SUPT5H: variants seen among roughly 807,000 people sequenced by gnomAD.
SUPT5H encodes the protein transcription elongation factor SPT5.
In SUPT5H, 24 loss-of-function variants were observed where a neutral mutation model predicts 142.5. The ratio of observed to expected loss-of-function variants is 0.17; its 90% confidence interval spans 0.12 to 0.24. SUPT5H has a LOEUF of 0.24. Among genes scored for constraint, SUPT5H ranks in the 10% least tolerant of loss-of-function variants. The pLI is 1.00. For missense variants in SUPT5H, 893 were observed against 1,471.8 expected (o/e 0.61, Z 6.43); for synonymous variants, 546 against 553.0 (o/e 0.99, Z 0.18).
At chr19:39,457,570 T>G (rs1048283648) in intron 3 of SUPT5H, 105 bp from the exon 4 acceptor site, 4 of 1,548,610 alleles carry the variant, frequency 2.6e-6, no homozygotes, top group Non-Finnish European at 3.5e-6. Flanking sequence ...TCCTGCTCTG[T>G]GCGGTGGGGA....
chr19:39,474,154 C>A lies in SUPT5H; in HGVS notation c.2651+33C>A, dbSNP rs746701124. ...CACTGGGGCCTGCCCTCGTCTACCC[C>A]TGCCCAAACCCTCCTACTGCCACCA... On this transcript the variant is annotated intron_variant, in intron 26 of 29. Transcript: ENST00000432763. The surrounding 1 kb of genome is among the most constrained non-coding windows in gnomAD (Gnocchi z 6.5). The A allele has an allele frequency of 6.2e-7, 1 of 1,608,154 alleles. No individual in the cohort carries two copies. The highest frequency in any genetic ancestry group is 8.5e-7 in the Non-Finnish European group (1 of 1,176,848).
intron 3 of SUPT5H, among the ~76,000 whole-genome samples, chr19:39,454,633 C>T (rs1385379015): frequency 1.3e-5 from 2 of 152,134 alleles, no homozygotes; most frequent in Non-Finnish European, 2.9e-5. Flanking sequence ...AGCCACCATG[C>T]CTGGCCGCAC....
At chr19:39,448,237 T>C (rs1782194316) in intron 2 of SUPT5H, among the ~76,000 whole-genome samples, 1 of 152,232 alleles carries the variant, frequency 6.6e-6, no homozygotes, top group African/African-American at 2.4e-5. Flanking sequence ...GGGTGACTTG[T>C]CCCAGTCACT....
At position 39,464,780 on chromosome 19, in the gene SUPT5H, C is replaced by A; in HGVS notation, c.625-18C>A. 1 of 1,581,692 alleles carries A rather than the reference C, an allele frequency of 6.3e-7. No homozygotes were observed. Among genetic ancestry groups the A allele is most frequent in the Non-Finnish European group, 8.6e-7 (1 of 1,157,868 alleles). Reference sequence around the variant, plus strand: ...GTTGTGTCTCACTGTTTCCTCCTTCCACCGGCTCACCCTGCAGCCCCTGCA... The same window carrying A: ...GTTGTGTCTCACTGTTTCCTCCTTCAACCGGCTCACCCTGCAGCCCCTGCA... On this transcript the variant is annotated intron_variant, in intron 10 of 29. Coordinates refer to ENST00000432763, the MANE Select transcript of SUPT5H (RefSeq NM_001111020.3).
intron 3 of SUPT5H, among the ~76,000 whole-genome samples, chr19:39,455,636 T>TC (rs891871561): frequency 2.6e-5 from 4 of 151,720 alleles, no homozygotes; most frequent in Non-Finnish European, 5.9e-5. Context: ...TCTTTTTTTT[T>TC]TTTTGAGATG....
In SUPT5H at chr19:39,466,369, C is replaced by T; in HGVS notation, c.877-111C>T. Reference sequence around the variant, plus strand: ...TTGGGAGTGGTCAGCAGCCTGGTTTCTTCCCCACCATCCTGCGTCCCTTCT... The same window carrying T: ...TTGGGAGTGGTCAGCAGCCTGGTTTTTTCCCCACCATCCTGCGTCCCTTCT... On this transcript the variant is annotated intron_variant, in intron 11 of 29. Transcript: ENST00000432763. The surrounding 1 kb of genome is among the most constrained non-coding windows in gnomAD (Gnocchi z 4.3). 9.8e-7 allele frequency: 1 copy of T among 1,022,894 alleles called. No homozygotes were observed. The highest frequency in any genetic ancestry group is 1.9e-5 in the Admixed American group (1 of 51,656). The allele number at this position is 1,022,894 out of a possible 1,614,324, so 63.4% of individuals were successfully genotyped here. A position where few individuals can be genotyped will look rare whatever the true frequency, so the allele number is the denominator to read the frequency against.
At position 39,472,788 on chromosome 19, in the gene SUPT5H, T is replaced by C; in HGVS notation, c.2036-22T>C. ...TGTGGGCACAGCCGTGGGGGACCAG[T>C]GACATTCTCCCCAATCCCCAGGTCA... On this transcript the variant is annotated intron_variant, in intron 21 of 29. Transcript: ENST00000432763. The surrounding 1 kb of genome is among the most constrained non-coding windows in gnomAD (Gnocchi z 4.2). 1.2e-6 allele frequency: 2 copies of C among 1,604,858 alleles called. No homozygotes were observed. The highest frequency in any genetic ancestry group is 1.7e-6 in the Non-Finnish European group (2 of 1,175,036).
At position 39,469,725 on chromosome 19, in the gene SUPT5H, G is replaced by A. The variant is rs761959026; in HGVS notation, c.1374+327G>A. On this transcript the variant is annotated intron_variant, in intron 16 of 29. Transcript: ENST00000432763. This position sits in a 1 kb window ranked among gnomAD's most constrained non-coding sequence, Gnocchi z 5.1. ...CTTGACTTTGTTTGCTTAGAGCGGG[G>A]TGTGTGTTTGTCTGTGTCTGGTGTA... 4.0e-6 allele frequency: 2 copies of A among 501,138 alleles called. No individual in the cohort carries two copies. Among genetic ancestry groups the A allele is most frequent in the Non-Finnish European group, 7.3e-6 (2 of 273,982 alleles). 31.0% of individuals were successfully genotyped at this position (501,138 alleles called of 1,614,324 possible).
At chr19:39,457,251 A>C (rs902797753) in intron 3 of SUPT5H, among the ~76,000 whole-genome samples, 1 of 152,174 alleles carries the variant, frequency 6.6e-6, no homozygotes, top group East Asian at 1.9e-4. Context: ...TGTGTCAGGT[A>C]CTCAGAACAG....
intron 2 of SUPT5H, among the ~76,000 whole-genome samples, chr19:39,452,730 G>A (rs1185438978): frequency 6.6e-6 from 1 of 152,104 alleles, no homozygotes; most frequent in African/African-American, 2.4e-5. Context: ...GAAGAGATGG[G>A]CCAGGTGCTG....
At chr19:39,446,522 A>G (rs2078956175) in intron 2 of SUPT5H, among the ~76,000 whole-genome samples, 2 of 152,080 alleles carry the variant, frequency 1.3e-5, no homozygotes, top group Non-Finnish European at 2.9e-5. Context: ...GAGGTGAGGG[A>G]GTGAGTCGTG....
intron 3 of SUPT5H, among the ~76,000 whole-genome samples, chr19:39,455,875 C>T (rs2079081943): frequency 6.7e-6 from 1 of 148,460 alleles, no homozygotes; most frequent in South Asian, 2.1e-4. Flanking sequence ...CCCACCTTGG[C>T]CTCCCAAAGT....
intron 28 of SUPT5H, among the ~76,000 whole-genome samples, chr19:39,475,518 G>A (rs186591248): frequency 7.9e-4 from 121 of 152,228 alleles, no homozygotes; most frequent in Non-Finnish European, 7.4e-5. Flanking sequence ...AGCAGGAGAG[G>A]GGTGGGAGCA....
In SUPT5H at chr19:39,466,019, G is replaced by T. The variant is rs2079230094; in HGVS notation, c.877-461G>T. On this transcript the variant is annotated intron_variant, in intron 11 of 29. Coordinates refer to ENST00000432763, the MANE Select transcript of SUPT5H (RefSeq NM_001111020.3). The surrounding 1 kb of genome is among the most constrained non-coding windows in gnomAD (Gnocchi z 4.3). ...GGTGCTCACAGGGTTTCCTATTTTT[G>T]AGCATTTTGGGTTTTTGGATTTGGA... Among the ~76,000 whole-genome samples the T allele has an allele frequency of 6.6e-6, 1 of 152,112 alleles. No individual in the cohort carries two copies. The highest frequency in any genetic ancestry group is 2.4e-5 in the African/African-American group (1 of 41,404).
chr19:39,454,505 T>C (rs1394613950), intron 3 of SUPT5H, among the ~76,000 whole-genome samples: 1 of 152,044 alleles, frequency 6.6e-6, no homozygotes, highest in African/African-American at 2.4e-5. Flanking sequence ...CCACCATGCC[T>C]GGCTAATTTT....
Position 39,469,832 on chromosome 19 carries a change from G to T in SUPT5H, c.1375-287G>T, listed in dbSNP as rs2079294675. 1 of 486,890 alleles carries T rather than the reference G, an allele frequency of 2.1e-6. No homozygotes were observed. Among genetic ancestry groups the T allele is most frequent in the East Asian group, 3.8e-5 (1 of 26,076 alleles). The allele number at this position is 486,890 out of a possible 1,614,324, so 30.2% of individuals were successfully genotyped here. On this transcript the variant is annotated intron_variant, in intron 16 of 29. Coordinates refer to ENST00000432763, the MANE Select transcript of SUPT5H (RefSeq NM_001111020.3). This position sits in a 1 kb window ranked among gnomAD's most constrained non-coding sequence, Gnocchi z 5.1. Reference sequence around the variant, plus strand: ...GGGGCTGAGGAGCTGTCCAGTCGGGGGTCCTGTGTCTGAGGGGCAGGCTCT... The same window carrying T: ...GGGGCTGAGGAGCTGTCCAGTCGGGTGTCCTGTGTCTGAGGGGCAGGCTCT...
chr19:39,446,480 C>T (rs1294925415), intron 2 of SUPT5H, among the ~76,000 whole-genome samples: 1 of 152,128 alleles, frequency 6.6e-6, no homozygotes, highest in Admixed American at 6.5e-5. Flanking sequence ...CAGCATGAGT[C>T]TGAGGGGTGA....
chr19:39,466,180 C>T lies in SUPT5H; in HGVS notation c.877-300C>T, dbSNP rs2079232816. Among the ~76,000 whole-genome samples the T allele has an allele frequency of 6.6e-6, 1 of 152,080 alleles. No homozygotes were observed. Among genetic ancestry groups the T allele is most frequent in the African/African-American group, 2.4e-5 (1 of 41,396 alleles). On this transcript the variant is annotated intron_variant, in intron 11 of 29. Coordinates refer to ENST00000432763, the MANE Select transcript of SUPT5H (RefSeq NM_001111020.3). The surrounding 1 kb of genome is among the most constrained non-coding windows in gnomAD (Gnocchi z 4.3). ...GTGGCTCCCAGGTTGTGTGCCTGAG[C>T]AGAGGGAAGAATGGAGTGGGAGGCG...
Position 39,474,647 on chromosome 19 carries a change from C to G in SUPT5H, c.2953C>G (p.Gln985Glu). ...NSSDWVTTDI[Q>E]VKVRDTYLDT... ...CAGCGACTGGGTAACCACTGACATT[C>G]AGGTGAAGGTGCGGGACACCTACCT... The change falls in exon 28 of 30, where the codon CAG (glutamine) becomes GAG (glutamate). Residue 985 changes from glutamine to glutamate, a missense_variant. Physicochemically the swap from Gln to Glu is conservative, Grantham distance 29. This residue lies in a region of SUPT5H where 336 missense variants were observed against 546.5 expected (regional missense o/e 0.61). Coordinates refer to ENST00000432763, the MANE Select transcript of SUPT5H (RefSeq NM_001111020.3). This position sits in a 1 kb window ranked among gnomAD's most constrained non-coding sequence, Gnocchi z 6.5. 6.2e-7 allele frequency: 1 copy of G among 1,614,200 alleles called. No individual in the cohort carries two copies.
Sources: allele counts gnomAD v4.1 joint callset (sites outside exome capture counted in the v4.1 genomes callset), GRCh38; gene constraint gnomAD v4.1.1; regional missense constraint gnomAD v4.1.1; non-coding constraint Gnocchi (gnomAD v3.1); transcripts MANE v1.5; gene names NCBI Gene and HGNC (gene_info 2026-07-23, HGNC 2026-07-21).